Variants in RYR2 observed in about 807,000 individuals in gnomAD.
The protein encoded by RYR2 is cardiac muscle ryanodine receptor-calcium release channel.
In RYR2, 227 loss-of-function variants were observed where a neutral mutation model predicts 601.1. The observed-to-expected ratio is 0.38, with a 90% CI of 0.34 to 0.42. The LOEUF is 0.42. RYR2 is among the 10% of genes least tolerant of loss of function. RYR2 has a pLI of 1.00. For missense variants in RYR2, 4,646 were observed against 6,156.5 expected (o/e 0.75, Z 8.21); for synonymous variants, 2,223 against 2,175.1 (o/e 1.02, Z -0.61).
At chr1:237,137,345 G>T (rs1286798398) in intron 1 of RYR2, among the ~76,000 whole-genome samples, 2 of 152,070 alleles carry the variant, frequency 1.3e-5, no homozygotes, top group African/African-American at 4.8e-5. Context: ...TTCTCTAGCT[G>T]GAAAATAATT....
chr1:237,387,140 G>T, intron 8 of RYR2, 141 bp from the exon 9 acceptor site: 2 of 720,654 alleles, frequency 2.8e-6, no homozygotes, highest in Admixed American at 2.2e-5. Flanking sequence ...CTAGTTTTTT[G>T]ATTCTTGAAT....
At position 237,744,042 on chromosome 1, in the gene RYR2, GCCTGCTTTTC is replaced by G. The variant is rs529960570; in HGVS notation, c.11145+1695_11145+1704del. On this transcript the variant is annotated intron_variant, in intron 80 of 104. Transcript: ENST00000366574. ...GTATTGCTGGTGAGATTGGAAAGAA[GCCTGCTTTTC>G]CATTGTGCTAGTAATCACTTCAATT... 1.5e-4 allele frequency among the ~76,000 whole-genome samples: 23 copies of G among 152,168 alleles called. 1 individual carries two copies. The South Asian group carries it at 4.6e-3, about 30-fold the overall frequency.
In RYR2 at chr1:237,674,239, A is replaced by G. The variant is rs1176577543; in HGVS notation, c.8714+20A>G. ...ATCCAGGTAAAAGTACACATACCCT[A>G]AGTACACACTCTTTTCACAAGAGTG... On this transcript the variant is annotated intron_variant, in intron 59 of 104. Coordinates refer to ENST00000366574, the MANE Select transcript of RYR2 (RefSeq NM_001035.3). 9 of 1,581,558 alleles carry G rather than the reference A, an allele frequency of 5.7e-6. No homozygotes were observed. The highest frequency in any genetic ancestry group is 2.2e-5 in the East Asian group (1 of 44,648).
At chr1:237,540,794 C>G (rs1167525488) in intron 25 of RYR2, among the ~76,000 whole-genome samples, 1 of 151,156 alleles carries the variant, frequency 6.6e-6, no homozygotes, top group Non-Finnish European at 1.5e-5. Flanking sequence ...CTTCCCAACA[C>G]AGCCTTAGCC....
chr1:237,653,969 T>C (rs1421336269), intron 51 of RYR2, among the ~76,000 whole-genome samples: 4 of 152,192 alleles, frequency 2.6e-5, no homozygotes, highest in African/African-American at 4.8e-5. Context: ...CCCACCCAGA[T>C]TGAGAATGGG....
intron 83 of RYR2, among the ~76,000 whole-genome samples, 175 bp from the exon 84 acceptor site, chr1:237,760,780 A>G (rs1693358515): frequency 6.6e-6 from 1 of 152,192 alleles, no homozygotes; most frequent in African/African-American, 2.4e-5. Context: ...CAGGGGAGAC[A>G]CTAGTCTGCC....
chr1:237,622,119 G>GA (rs545351133), intron 38 of RYR2, among the ~76,000 whole-genome samples: 9 of 151,676 alleles, frequency 5.9e-5, no homozygotes, highest in South Asian at 2.1e-4. Flanking sequence ...AACGTTTAGG[G>GA]AAAAAAAATC....
intron 2 of RYR2, among the ~76,000 whole-genome samples, chr1:237,273,610 C>T (rs1414813491): frequency 6.6e-6 from 1 of 151,972 alleles, no homozygotes; most frequent in Non-Finnish European, 1.5e-5. Context: ...AGTATGACTA[C>T]CAAAAATGGG....
intron 1 of RYR2, among the ~76,000 whole-genome samples, chr1:237,212,233 A>G (rs572336115): frequency 1.3e-5 from 2 of 152,026 alleles, no homozygotes; most frequent in South Asian, 4.1e-4. Flanking sequence ...TCTCAATCCT[A>G]TATTTATTAA....
At chr1:237,409,776 C>G (rs1400575472) in intron 10 of RYR2, among the ~76,000 whole-genome samples, 1 of 152,070 alleles carries the variant, frequency 6.6e-6, no homozygotes, top group Admixed American at 6.5e-5. Flanking sequence ...ATGGCTTCTT[C>G]TTTGTCCCTA....
Position 237,180,855 on chromosome 1 carries a change from T to G in RYR2, c.49-89642T>G, listed in dbSNP as rs1678666569. Among the ~76,000 whole-genome samples the G allele has an allele frequency of 6.8e-6, 1 of 148,112 alleles. No individual in the cohort carries two copies. The highest frequency in any genetic ancestry group is 2.5e-5 in the African/African-American group (1 of 40,776). ...TATATCAATATTAATAAAGTATATA[T>G]TTATACTAATTAAATATATTTGATT... On this transcript the variant is annotated intron_variant, in intron 1 of 104. Transcript: ENST00000366574. The surrounding 1 kb of genome is among the most constrained non-coding windows in gnomAD (Gnocchi z 5.3).
intron 24 of RYR2, among the ~76,000 whole-genome samples, chr1:237,529,232 C>T (rs1328973690): frequency 3.3e-5 from 5 of 151,994 alleles, no homozygotes; most frequent in African/African-American, 1.2e-4. Context: ...CTGATCAATC[C>T]CTTTCAACGT....
At chr1:237,159,407 G>A (rs1357588538) in intron 1 of RYR2, among the ~76,000 whole-genome samples, 1 of 152,158 alleles carries the variant, frequency 6.6e-6, no homozygotes, top group Non-Finnish European at 1.5e-5. Flanking sequence ...AGGAAGAAGA[G>A]GTGATCAAAT....
intron 1 of RYR2, among the ~76,000 whole-genome samples, chr1:237,202,378 C>A (rs1431763672): frequency 2.0e-5 from 3 of 152,058 alleles, no homozygotes; most frequent in Non-Finnish European, 4.4e-5. Context: ...CAGTGCATGT[C>A]TTTTACAAAT....
In RYR2 at chr1:237,607,126, T is replaced by G. The variant is rs141392860; in HGVS notation, c.4684-3636T>G. Among the ~76,000 whole-genome samples the G allele has an allele frequency of 6.2e-3, 938 of 152,302 alleles. 4 individuals are homozygous for G. The highest frequency in any genetic ancestry group is 0.037 in the Middle Eastern group (11 of 294). On this transcript the variant is annotated intron_variant, in intron 35 of 104. Coordinates refer to ENST00000366574, the MANE Select transcript of RYR2 (RefSeq NM_001035.3). ...GCTGTTATAAAGACACATGCACACG[T>G]ATGTTTATTGTGGCATTATTTACAA...
In RYR2 at chr1:237,711,838, G is replaced by C; in HGVS notation, c.10323+1G>C. 1 of 1,303,802 alleles carries C rather than the reference G, an allele frequency of 7.7e-7. No individual in the cohort carries two copies. Among genetic ancestry groups the C allele is most frequent in the South Asian group, 1.2e-5 (1 of 83,442 alleles). The allele number at this position is 1,303,802 out of a possible 1,614,324, so 80.8% of individuals were successfully genotyped here. ...TGATACCAAGTCAAAGATGTCAAAG[G>C]TATTACTATAAACTGTTTCACTGTT... On this transcript the variant is annotated splice_donor_variant, in intron 71 of 104. Coordinates refer to ENST00000366574, the MANE Select transcript of RYR2 (RefSeq NM_001035.3). LOFTEE classifies it high-confidence loss of function.
At chr1:237,280,106 G>A (rs1371449118) in intron 2 of RYR2, among the ~76,000 whole-genome samples, 1 of 152,094 alleles carries the variant, frequency 6.6e-6, no homozygotes, top group East Asian at 1.9e-4. Flanking sequence ...TATATTCGGT[G>A]ACTTCTCATT....
intron 68 of RYR2, 137 bp from the exon 69 acceptor site, chr1:237,708,708 TAGAAAAATGGCTG>T (rs1688580990): frequency 1.8e-6 from 1 of 545,222 alleles, no homozygotes; most frequent in Non-Finnish European, 3.1e-6. Flanking sequence ...GAACTTGGAC[TAGAAAAATGGCTG>T]AGGCATGAGC....
chr1:237,049,246 G>A (rs959209895), intron 1 of RYR2, among the ~76,000 whole-genome samples: 3 of 152,210 alleles, frequency 2.0e-5, no homozygotes, highest in African/African-American at 7.2e-5. Flanking sequence ...AAGAAATACT[G>A]GTTTAGAGTC....
Sources: allele counts gnomAD v4.1 joint callset (sites outside exome capture counted in the v4.1 genomes callset), GRCh38; gene constraint gnomAD v4.1.1; non-coding constraint Gnocchi (gnomAD v3.1); transcripts MANE v1.5; gene names NCBI Gene and HGNC (gene_info 2026-07-23, HGNC 2026-07-21).